The following PRKCB variants were observed in gnomAD, a reference collection of about 807,000 sequenced individuals.
PRKCB encodes protein kinase C beta type.
In PRKCB, 13 loss-of-function variants were observed where a neutral mutation model predicts 81.5. The observed-to-expected ratio is 0.16, with a 90% CI of 0.10 to 0.25. The LOEUF is 0.25. Ranked by LOEUF, PRKCB falls within the 10% of genes least tolerant of loss-of-function variation. The pLI is 1.00. For synonymous variants in PRKCB, 335 were observed against 321.4 expected, an observed-to-expected ratio of 1.04 and a Z score of -0.45; for missense variants, 509 against 875.7, an observed-to-expected ratio of 0.58 and a Z score of 5.29.
chr16:24,036,379 G>A (rs1441208498), intron 5 of PRKCB, among the ~76,000 whole-genome samples: 4 of 152,202 alleles, frequency 2.6e-5, no homozygotes, highest in Non-Finnish European at 5.9e-5. Flanking sequence ...CTGGCTGGGA[G>A]TGGAGCTAAA....
chr16:24,095,139 G>A (rs1966424824), intron 7 of PRKCB, among the ~76,000 whole-genome samples: 1 of 152,158 alleles, frequency 6.6e-6, no homozygotes, highest in Non-Finnish European at 1.5e-5. Context: ...GACTGTAACT[G>A]CCCAGTGGCT....
At chr16:23,977,991 C>T (rs1054101179) in intron 2 of PRKCB, among the ~76,000 whole-genome samples, 3 of 152,110 alleles carry the variant, frequency 2.0e-5, no homozygotes, top group African/African-American at 7.2e-5. Flanking sequence ...GTGGTAGGCA[C>T]GTGAATCTGA....
At chr16:24,040,172 G>A (rs1298326497) in intron 5 of PRKCB, among the ~76,000 whole-genome samples, 1 of 152,174 alleles carries the variant, frequency 6.6e-6, no homozygotes, top group Non-Finnish European at 1.5e-5. Flanking sequence ...GGCAGGTCAA[G>A]ATGAGAATAA....
chr16:24,060,138 G>A (rs1455494586), intron 5 of PRKCB, among the ~76,000 whole-genome samples: 4 of 152,262 alleles, frequency 2.6e-5, no homozygotes, highest in East Asian at 1.9e-4. Context: ...AAGCAGAAGC[G>A]GTCCTAGGCT....
At chr16:23,947,564 G>A (rs1337131693) in intron 2 of PRKCB, among the ~76,000 whole-genome samples, 1 of 152,174 alleles carries the variant, frequency 6.6e-6, no homozygotes, top group Non-Finnish European at 1.5e-5. Context: ...CCAGCTGGTT[G>A]GTGCATTTTC....
At chr16:24,079,844 C>T (rs1266321038) in intron 5 of PRKCB, among the ~76,000 whole-genome samples, 1 of 152,112 alleles carries the variant, frequency 6.6e-6, no homozygotes, top group Non-Finnish European at 1.5e-5. Context: ...GAGTTTTACC[C>T]GTAAGCATAA....
intron 16 of PRKCB, among the ~76,000 whole-genome samples, chr16:24,211,180 A>G (rs1968132967): frequency 6.6e-6 from 1 of 152,206 alleles, no homozygotes. Context: ...AGCAGAAACA[A>G]TTTAGCTTGG....
chr16:23,956,667 G>A (rs950499539), intron 2 of PRKCB, among the ~76,000 whole-genome samples: 8 of 152,112 alleles, frequency 5.3e-5, no homozygotes, highest in South Asian at 2.1e-4. Flanking sequence ...CACCAACAGC[G>A]CACGAAAGTG....
chr16:24,194,134 C>G (rs771061597), intron 16 of PRKCB, among the ~76,000 whole-genome samples: 3 of 152,050 alleles, frequency 2.0e-5, no homozygotes, highest in African/African-American at 4.8e-5. Context: ...CGAGACCAGC[C>G]TGGCCAACAT....
intron 16 of PRKCB, among the ~76,000 whole-genome samples, chr16:24,194,383 C>A (rs1205057943): frequency 2.0e-5 from 3 of 151,878 alleles, no homozygotes; most frequent in Admixed American, 6.6e-5. Flanking sequence ...CTCACAATTT[C>A]TTTTATATAT....
Position 24,110,346 on chromosome 16 carries a change from G to C in PRKCB, c.822-2627G>C, listed in dbSNP as rs1966659687. ...CCTGTCTCAGCCTCCCGAATAGCTG[G>C]GACTACGGGCGCGTGCCACCATGCC... On this transcript the variant is annotated intron_variant, in intron 7 of 16. Transcript: ENST00000643927. Among the ~76,000 whole-genome samples the C allele has an allele frequency of 2.6e-5, 4 of 151,768 alleles. No homozygotes were observed. The South Asian group carries it at 8.3e-4, about 32-fold the overall frequency.
chr16:23,950,278 G>A (rs1964263831), intron 2 of PRKCB, among the ~76,000 whole-genome samples: 1 of 151,938 alleles, frequency 6.6e-6, no homozygotes, highest in African/African-American at 2.4e-5. Context: ...TGGTAATAGT[G>A]ACTCTCTTCT....
At chr16:23,836,541 G>A (rs1038267541) in intron 1 of PRKCB, among the ~76,000 whole-genome samples, 193 bp downstream of exon 1, 3 of 152,064 alleles carry the variant, frequency 2.0e-5, no homozygotes, top group East Asian at 2.0e-4. Flanking sequence ...TCCCCACCCT[G>A]GTCCCAGACG....
At chr16:24,160,180 C>T (rs1967231293) in intron 10 of PRKCB, among the ~76,000 whole-genome samples, 1 of 132,666 alleles carries the variant, frequency 7.5e-6, no homozygotes, top group Non-Finnish European at 1.6e-5. Context: ...TTTCTAATAG[C>T]CCTTTGGGTG....
chr16:23,852,360 T>C (rs1187083938), intron 2 of PRKCB, among the ~76,000 whole-genome samples: 2 of 152,210 alleles, frequency 1.3e-5, no homozygotes, highest in East Asian at 1.9e-4. Context: ...TTTTCCTGCA[T>C]CTATTGAGAT....
At chr16:24,173,287 A>G (rs1047487662) in intron 11 of PRKCB, among the ~76,000 whole-genome samples, 1 of 152,156 alleles carries the variant, frequency 6.6e-6, no homozygotes, top group Non-Finnish European at 1.5e-5. Flanking sequence ...AGATTTCATC[A>G]TGTCATTCCC....
At chr16:24,135,120 A>T (rs1451160248) in intron 9 of PRKCB, among the ~76,000 whole-genome samples, 1 of 151,732 alleles carries the variant, frequency 6.6e-6, no homozygotes, top group South Asian at 2.1e-4. Context: ...TGAAAACAGC[A>T]TGGGCCCTGA....
chr16:23,869,124 C>T (rs137873664), intron 2 of PRKCB: 2 of 453,822 alleles, frequency 4.4e-6, no homozygotes, highest in Non-Finnish European at 8.8e-6. Flanking sequence ...AAGGGACACA[C>T]TTTCCTTCCC....
chr16:24,065,714 T>C (rs1966024583), intron 5 of PRKCB, among the ~76,000 whole-genome samples: 1 of 152,212 alleles, frequency 6.6e-6, no homozygotes, highest in Admixed American at 6.5e-5. Flanking sequence ...CATCTTAAGA[T>C]ACTTGTATTT....
Sources: gnomAD v4.1 joint callset for allele counts (sites outside exome capture counted in the v4.1 genomes callset) on GRCh38, gnomAD v4.1.1 for gene constraint, MANE v1.5 for transcripts, NCBI Gene and HGNC (gene_info 2026-07-23, HGNC 2026-07-21) for gene names.